The following ZFAT variants were observed in gnomAD, a reference collection of about 807,000 sequenced individuals.
ZFAT encodes the protein zinc finger protein ZFAT.
Under a neutral mutation model 117.7 loss-of-function variants are expected in ZFAT, and 64 were observed. The observed-to-expected ratio is 0.54, with a 90% CI of 0.44 to 0.67. The LOEUF is 0.67. Ranked by LOEUF, ZFAT falls within the 30% of genes least tolerant of loss-of-function variation. The pLI is 0.00. For synonymous variants in ZFAT, 679 were observed against 615.0 expected (o/e 1.10, Z -1.54); for missense variants, 1,433 against 1,584.5 (o/e 0.90, Z 1.62).
chr8:134,788,622 A>AT, the ZFAT span, among the ~76,000 whole-genome samples: 2 of 152,076 alleles, frequency 1.3e-5, no homozygotes, highest in South Asian at 4.1e-4. Flanking sequence ...TCTGCATCTG[A>AT]TTTTTTGGGG....
chr8:134,558,715 G>A (rs1405050678), intron 11 of ZFAT, among the ~76,000 whole-genome samples: 2 of 152,140 alleles, frequency 1.3e-5, no homozygotes, highest in African/African-American at 4.8e-5. Context: ...AGAGATAGGG[G>A]AGGAAACAAG....
In ZFAT at chr8:134,601,587, C is replaced by G. The variant is rs1205337038; in HGVS notation, c.2132G>C (p.Gly711Ala). Reference sequence around the variant, plus strand: ...CAGGACCTTCATGAAAGCGGTGATGCCTGACCGGTGCTCAGGGGCAGCTTT... The same window carrying G: ...CAGGACCTTCATGAAAGCGGTGATGGCTGACCGGTGCTCAGGGGCAGCTTT... ...SCKAAPEHRS[G>A]ITAFMKVLNS... is the part of the protein sequence containing the mutation. The change falls in exon 6 of 16, where the codon GGC (glycine) becomes GCC (alanine). Residue 711 changes from glycine to alanine, a missense_variant. By Grantham distance (60) the Gly-to-Ala change is moderately conservative. Around this residue, in one of 5 missense-constraint regions of ZFAT, gnomAD observed 372 missense variants for 355.6 expected, o/e 1.05. Transcript: ENST00000377838. The G allele has an allele frequency of 8.7e-6, 14 of 1,614,226 alleles. No individual in the cohort carries two copies. Among genetic ancestry groups the G allele is most frequent in the Non-Finnish European group, 1.2e-5 (14 of 1,180,048 alleles).
the ZFAT span, among the ~76,000 whole-genome samples, chr8:134,823,188 C>T: frequency 5.9e-5 from 9 of 152,310 alleles, no homozygotes; most frequent in Middle Eastern, 3.4e-3. Context: ...GAACAGCCTA[C>T]ATTTCACTGG....
intron 1 of ZFAT, among the ~76,000 whole-genome samples, chr8:134,688,813 G>C (rs1326196780): frequency 6.6e-6 from 1 of 152,174 alleles, no homozygotes; most frequent in Non-Finnish European, 1.5e-5. Context: ...GACCAAATAA[G>C]AGCTTGCTGC....
At chr8:134,560,365 A>G (rs2130747535) in intron 11 of ZFAT, among the ~76,000 whole-genome samples, 1 of 152,376 alleles carries the variant, frequency 6.6e-6, no homozygotes, top group South Asian at 2.1e-4. Context: ...AACTTAGTAT[A>G]GAATGATATA....
At chr8:134,703,751 T>C (rs570437909) in intron 1 of ZFAT, among the ~76,000 whole-genome samples, 66 of 152,332 alleles carry the variant, frequency 4.3e-4, no homozygotes, top group African/African-American at 1.5e-3. Context: ...CCAGACCCTA[T>C]CTTATTCCCC....
At chr8:134,583,758 T>G (rs1586752880) in intron 10 of ZFAT, 74 bp downstream of exon 10, 1 of 1,552,080 alleles carries the variant, frequency 6.4e-7, no homozygotes, top group East Asian at 2.3e-5. Flanking sequence ...GTACAGCAAG[T>G]TTCTGACAAA....
At chr8:134,724,702 T>C in the ZFAT span, among the ~76,000 whole-genome samples, 11 of 152,018 alleles carry the variant, frequency 7.2e-5, no homozygotes, top group African/African-American at 2.7e-4. Flanking sequence ...TATCATTCTA[T>C]CAGTTACGTT....
chr8:134,534,006 G>A (rs897467807), intron 11 of ZFAT, among the ~76,000 whole-genome samples: 4 of 152,180 alleles, frequency 2.6e-5, no homozygotes, highest in Non-Finnish European at 5.9e-5. Context: ...TAGCCCAGGA[G>A]GAGCAGAAGA....
intron 3 of ZFAT, among the ~76,000 whole-genome samples, chr8:134,631,994 T>C (rs1283242325): frequency 2.0e-5 from 3 of 152,240 alleles, no homozygotes; most frequent in Non-Finnish European, 4.4e-5. Flanking sequence ...TCAAATATTT[T>C]ATCTACTGAA....
chr8:134,596,964 T>C (rs1259060599), intron 7 of ZFAT, among the ~76,000 whole-genome samples: 1 of 89,384 alleles, frequency 1.1e-5, no homozygotes, highest in Non-Finnish European at 2.3e-5. Flanking sequence ...GCTGTGGTGA[T>C]GATAATTGCA....
At chr8:134,784,781 A>T in the ZFAT span, 2 of 152,210 alleles carry the variant, frequency 1.3e-5, no homozygotes, top group African/African-American at 2.4e-5. Context: ...GGAGACTGGT[A>T]GTTCATAAAC....
At chr8:134,691,404 C>CT (rs1586958036) in intron 1 of ZFAT, among the ~76,000 whole-genome samples, 1 of 152,262 alleles carries the variant, frequency 6.6e-6, no homozygotes, top group Admixed American at 6.5e-5. Flanking sequence ...TCCACGGACA[C>CT]AGTGTCTCCC....
chr8:134,549,820 C>A (rs1172795060), intron 11 of ZFAT, among the ~76,000 whole-genome samples: 2 of 152,140 alleles, frequency 1.3e-5, no homozygotes, highest in African/African-American at 4.8e-5. Context: ...CTGACCCAAA[C>A]AAACACACCA....
At chr8:134,588,715 C>A (rs1826240593) in intron 8 of ZFAT, among the ~76,000 whole-genome samples, 1 of 152,124 alleles carries the variant, frequency 6.6e-6, no homozygotes, top group South Asian at 2.1e-4. Context: ...CACAGCAGGA[C>A]ACTAGAGAAA....
intron 15 of ZFAT, among the ~76,000 whole-genome samples, chr8:134,494,185 C>A (rs896642907): frequency 6.6e-6 from 1 of 152,236 alleles, no homozygotes; most frequent in Non-Finnish European, 1.5e-5. Context: ...GATCCCTGCA[C>A]AGCTGTGCGG....
intron 12 of ZFAT, among the ~76,000 whole-genome samples, chr8:134,527,782 A>T (rs1586647355): frequency 3.3e-5 from 5 of 152,370 alleles, no homozygotes; most frequent in African/African-American, 1.2e-4. Context: ...TTTTATTATC[A>T]GCCAAGCTGA....
intron 3 of ZFAT, among the ~76,000 whole-genome samples, chr8:134,617,600 C>T (rs1039208920): frequency 1.8e-4 from 28 of 152,266 alleles, no homozygotes; most frequent in African/African-American, 6.5e-4. Flanking sequence ...GCACAATTTC[C>T]AATCATCAGG....
intron 15 of ZFAT, among the ~76,000 whole-genome samples, chr8:134,483,163 C>T (rs892254955): frequency 1.3e-5 from 2 of 152,210 alleles, no homozygotes; most frequent in African/African-American, 4.8e-5. Context: ...CTTGCTCCCA[C>T]GGCACCCAAT....
Sources: allele counts gnomAD v4.1 joint callset (sites outside exome capture counted in the v4.1 genomes callset), GRCh38; gene constraint gnomAD v4.1.1; regional missense constraint gnomAD v4.1.1; transcripts MANE v1.5; gene names NCBI Gene and HGNC (gene_info 2026-07-23, HGNC 2026-07-21).